The following CACNB4 variants were observed in gnomAD, a reference collection of about 807,000 sequenced individuals.
CACNB4 encodes the protein voltage-dependent L-type calcium channel subunit beta-4.
A neutral mutation model predicts 71.2 loss-of-function variants in CACNB4; 32 were observed. The ratio of observed to expected loss-of-function variants is 0.45; its 90% CI spans 0.34 to 0.60. CACNB4 has a LOEUF of 0.60. CACNB4 is among the 20% of genes least tolerant of loss of function. The probability of loss-of-function intolerance (pLI) is 0.01; values close to 1 mark genes in which losing one functional copy is unlikely to be tolerated. For synonymous variants in CACNB4, 231 were observed against 236.9 expected, an observed-to-expected ratio of 0.97 and a Z score of 0.23; for missense variants, 464 against 647.9, an observed-to-expected ratio of 0.72 and a Z score of 3.08.
intron 2 of CACNB4, among the ~76,000 whole-genome samples, chr2:152,032,554 T>A (rs1684342918): frequency 6.6e-6 from 1 of 152,158 alleles, no homozygotes; most frequent in Non-Finnish European, 1.5e-5. Context: ...ACCGAGACAT[T>A]TTAATACAAC....
At chr2:151,999,402 T>C (rs1365282187) in intron 2 of CACNB4, among the ~76,000 whole-genome samples, 8 of 151,944 alleles carry the variant, frequency 5.3e-5, no homozygotes, top group Admixed American at 6.5e-5. Context: ...CTTATACCCT[T>C]TGGGGGAATC....
chr2:152,025,345 C>G (rs1368810592), intron 2 of CACNB4, among the ~76,000 whole-genome samples: 2 of 152,158 alleles, frequency 1.3e-5, no homozygotes, highest in Non-Finnish European at 2.9e-5. Context: ...GAGGCGAGAG[C>G]TGGGGAACGG....
In CACNB4 at chr2:151,839,150, C is replaced by A. The variant is rs758710904; in HGVS notation, c.1532G>T (p.Gly511Val). The change falls in exon 14 of 14, where the codon GGA becomes GTA. Residue 511 changes from glycine (G) to valine (V), a missense_variant. Transcript: ENST00000539935. ...KPHRNRGSPG[G>V]YSHDSRHRL The stretch of plus-strand genomic sequence containing the variant: ...CCTATGTCGGGAGTCATGGCTATAT[C>A]CCCCAGGTGATCCTCGGTTCCTATG... The A allele has an allele frequency of 3.7e-6, 6 of 1,613,180 alleles. No homozygotes were observed. The highest frequency in any genetic ancestry group is 4.5e-5 in the East Asian group (2 of 44,870).
intron 2 of CACNB4, among the ~76,000 whole-genome samples, chr2:152,033,926 G>A (rs1169296157): frequency 6.6e-6 from 1 of 152,286 alleles, no homozygotes; most frequent in East Asian, 1.9e-4. Flanking sequence ...ACAAGATGCA[G>A]GTAGTTAGCA....
intron 2 of CACNB4, among the ~76,000 whole-genome samples, chr2:152,026,298 T>C (rs1340329852): frequency 6.6e-6 from 1 of 152,156 alleles, no homozygotes; most frequent in Non-Finnish European, 1.5e-5. Flanking sequence ...TCCTTTCCAC[T>C]GGACTGTTTC....
At chr2:151,952,567 A>G (rs1469551093) in intron 2 of CACNB4, among the ~76,000 whole-genome samples, 1 of 152,216 alleles carries the variant, frequency 6.6e-6, no homozygotes, top group Non-Finnish European at 1.5e-5. Flanking sequence ...GAAAATGTAA[A>G]TATGACTGAG....
chr2:152,027,208 C>T (rs1684028623), intron 2 of CACNB4, among the ~76,000 whole-genome samples: 1 of 152,170 alleles, frequency 6.6e-6, no homozygotes, highest in Admixed American at 6.5e-5. Flanking sequence ...CAGCCACATT[C>T]CTCCTTTCTT....
intron 2 of CACNB4, among the ~76,000 whole-genome samples, chr2:152,017,139 T>C (rs999194705): frequency 6.7e-6 from 1 of 149,762 alleles, no homozygotes; most frequent in Non-Finnish European, 1.5e-5. Context: ...CCCACTCCAA[T>C]AGTTATCAAG....
At chr2:151,925,747 G>A (rs992132999) in intron 2 of CACNB4, among the ~76,000 whole-genome samples, 1 of 152,122 alleles carries the variant, frequency 6.6e-6, no homozygotes, top group East Asian at 1.9e-4. Context: ...AAGGGCCTTA[G>A]AGGCTGGTGT....
intron 2 of CACNB4, among the ~76,000 whole-genome samples, chr2:151,992,001 T>A (rs1398646273): frequency 1.3e-5 from 2 of 152,206 alleles, no homozygotes; most frequent in Admixed American, 1.3e-4. Flanking sequence ...TGAGAACTTC[T>A]AAGCGAGAGT....
chr2:151,885,042 A>G (rs1336190092), intron 2 of CACNB4, among the ~76,000 whole-genome samples: 1 of 152,214 alleles, frequency 6.6e-6, no homozygotes, highest in East Asian at 1.9e-4. Context: ...TGTTGCCTTT[A>G]AGGGCAACTT....
intron 2 of CACNB4, among the ~76,000 whole-genome samples, chr2:152,005,614 C>T (rs1050354970): frequency 6.6e-6 from 1 of 152,192 alleles, no homozygotes; most frequent in African/African-American, 2.4e-5. Flanking sequence ...CTCAGCACCA[C>T]ACAACCTCGT....
chr2:152,002,586 T>G (rs1300348550), intron 2 of CACNB4, among the ~76,000 whole-genome samples: 1 of 152,266 alleles, frequency 6.6e-6, no homozygotes. Context: ...AACTAATTGT[T>G]GCCTTGGTCA....
At chr2:151,909,288 A>T (rs1333243300) in intron 2 of CACNB4, among the ~76,000 whole-genome samples, 3 of 150,920 alleles carry the variant, frequency 2.0e-5, no homozygotes, top group Non-Finnish European at 4.4e-5. Flanking sequence ...AAAAAAAATC[A>T]GCGGGGCATG....
intron 2 of CACNB4, among the ~76,000 whole-genome samples, chr2:152,011,767 A>G (rs947549173): frequency 2.0e-5 from 3 of 152,168 alleles, no homozygotes; most frequent in Admixed American, 2.0e-4. Flanking sequence ...ACATCCTAAT[A>G]CAGTCATGCG....
intron 2 of CACNB4, among the ~76,000 whole-genome samples, chr2:152,037,255 T>C (rs144680734): frequency 1.8e-3 from 273 of 152,342 alleles, no homozygotes; most frequent in African/African-American, 6.3e-3. Context: ...AAGGTGGATA[T>C]TAACAATAAC....
upstream of CACNB4, chr2:152,099,045 G>C: frequency 1.4e-6 from 2 of 1,463,008 alleles, no homozygotes; most frequent in South Asian, 2.6e-5. Context: ...GCCCGTGTGC[G>C]GTGGGCGGAG....
Position 152,098,564 on chromosome 2 carries a change from G to GCCCCCCCCCCCCCCCCCCCCCC in CACNB4, c.64-152_64-151insGGGGGGGGGGGGGGGGGGGGGG. 3 of 931,258 alleles carry GCCCCCCCCCCCCCCCCCCCCCC rather than the reference G, an allele frequency of 3.2e-6. No homozygotes were observed. Among genetic ancestry groups the GCCCCCCCCCCCCCCCCCCCCCC allele is most frequent in the Admixed American group, 4.0e-5 (2 of 49,942 alleles). 57.7% of individuals were successfully genotyped at this position (931,258 alleles called of 1,614,324 possible). ...GTCTCCTCCGCGACTCCCAAATACA[G>GCCCCCCCCCCCCCCCCCCCCCC]CCCCCACCCCCACCCACCCACTGCA... On this transcript the variant is annotated intron_variant, in intron 1 of 13. Coordinates refer to ENST00000539935, the MANE Select transcript of CACNB4 (RefSeq NM_000726.5). This position sits in a 1 kb window ranked among gnomAD's most constrained non-coding sequence, Gnocchi z 5.3.
intron 2 of CACNB4, among the ~76,000 whole-genome samples, chr2:151,994,647 G>T (rs1334047559): frequency 6.6e-6 from 1 of 152,194 alleles, no homozygotes; most frequent in Non-Finnish European, 1.5e-5. Flanking sequence ...AAGGAGCTGG[G>T]ATTAGAGGCG....
Sources: gnomAD v4.1 joint callset for allele counts (sites outside exome capture counted in the v4.1 genomes callset) on GRCh38, gnomAD v4.1.1 for gene constraint, Gnocchi (gnomAD v3.1) non-coding constraint, MANE v1.5 for transcripts, NCBI Gene and HGNC (gene_info 2026-07-23, HGNC 2026-07-21) for gene names.